The following PTPRD variants were observed in gnomAD, a reference collection of about 807,000 sequenced individuals.
PTPRD encodes receptor-type tyrosine-protein phosphatase delta.
Under a neutral mutation model 214.5 loss-of-function variants are expected in PTPRD, and 34 were observed. That is an observed-to-expected ratio of 0.16 (90% CI 0.12 to 0.21). PTPRD has a LOEUF of 0.21. PTPRD is among the 10% of genes least tolerant of loss of function. PTPRD has a pLI of 1.00. For synonymous variants in PTPRD, 1,128 were observed against 845.7 expected (o/e 1.33, Z -5.79); for missense variants, 2,545 against 2,398.7 (o/e 1.06, Z -1.27).
At chr9:9,717,462 A>G (rs1374545279) in intron 7 of PTPRD, among the ~76,000 whole-genome samples, 1 of 152,188 alleles carries the variant, frequency 6.6e-6, no homozygotes, top group Non-Finnish European at 1.5e-5. Context: ...TTTTCATGAT[A>G]TTGAGCTAAG....
chr9:10,446,682 G>C (rs1245733781), intron 2 of PTPRD, among the ~76,000 whole-genome samples: 1 of 152,048 alleles, frequency 6.6e-6, no homozygotes, highest in African/African-American at 2.4e-5. Context: ...CATGGGACTT[G>C]ATGTTTGATT....
In PTPRD at chr9:8,977,991, G is replaced by A. The variant is rs915726786; in HGVS notation, c.-104+40706C>T. Among the ~76,000 whole-genome samples, 10 of 152,128 alleles carry A rather than the reference G, an allele frequency of 6.6e-5. No individual in the cohort carries two copies. In the South Asian group the frequency reaches 1.9e-3, roughly 28 times the overall value. On this transcript the variant is annotated intron_variant, in intron 11 of 45. Coordinates refer to ENST00000381196, the MANE Select transcript of PTPRD (RefSeq NM_002839.4). ...TTTACATGCATAAATGCCTTGGGGT[G>A]TTTCATTTTGTTTGGATTTAAAGTA...
At chr9:8,621,710 G>A (rs1225498958) in intron 14 of PTPRD, among the ~76,000 whole-genome samples, 1 of 151,742 alleles carries the variant, frequency 6.6e-6, no homozygotes. Context: ...GGGACCCATA[G>A]TAAGTCAGCT....
chr9:9,943,799 G>GA (rs2092080968), intron 4 of PTPRD, among the ~76,000 whole-genome samples: 1 of 152,028 alleles, frequency 6.6e-6, no homozygotes, highest in South Asian at 2.1e-4. Flanking sequence ...GTAGACAACT[G>GA]AAAAATCCTT....
At chr9:8,460,636 T>A in intron 32 of PTPRD, 65 bp from the exon 33 acceptor site, 1 of 1,505,590 alleles carries the variant, frequency 6.6e-7, no homozygotes, top group Admixed American at 2.2e-5. Flanking sequence ...ACCTTTAACA[T>A]TAGAAGAAGC....
chr9:10,329,780 A>G (rs1333266013), intron 3 of PTPRD, among the ~76,000 whole-genome samples: 1 of 151,828 alleles, frequency 6.6e-6, no homozygotes, highest in African/African-American at 2.4e-5. Flanking sequence ...CATGCTACAT[A>G]TGCCATTTTG....
At chr9:8,689,318 G>C (rs919088033) in intron 12 of PTPRD, among the ~76,000 whole-genome samples, 5 of 152,182 alleles carry the variant, frequency 3.3e-5, no homozygotes, top group Admixed American at 3.3e-4. Flanking sequence ...GTACTAATTA[G>C]TTCATTTCTT....
intron 8 of PTPRD, among the ~76,000 whole-genome samples, chr9:9,451,266 A>T (rs1258086035): frequency 6.6e-6 from 1 of 151,846 alleles, no homozygotes; most frequent in Non-Finnish European, 1.5e-5. Flanking sequence ...GCAACTCAGT[A>T]TAAGGTTTAA....
In PTPRD at chr9:8,540,193, T is replaced by C. The variant is rs12686126; in HGVS notation, c.353-11414A>G. 2.6e-4 allele frequency among the ~76,000 whole-genome samples: 39 copies of C among 152,270 alleles called. No homozygotes were observed. The East Asian group carries it at 6.9e-3, about 27-fold the overall frequency. ...GTAAACTGTTATAATTAATTCATAT[T>C]ATCAGAAATATATAGACTTATTCCC... On this transcript the variant is annotated intron_variant, in intron 14 of 45. Transcript: ENST00000381196.
chr9:8,703,410 G>T (rs2098133003), intron 12 of PTPRD, among the ~76,000 whole-genome samples: 4 of 152,178 alleles, frequency 2.6e-5, no homozygotes, highest in Non-Finnish European at 5.9e-5. Flanking sequence ...TACCCTTTCA[G>T]TTCCACCATT....
chr9:9,108,102 G>T (rs1380480866), intron 10 of PTPRD, among the ~76,000 whole-genome samples: 2 of 151,994 alleles, frequency 1.3e-5, no homozygotes, highest in Admixed American at 1.3e-4. Flanking sequence ...AACCCTTAGG[G>T]CTCATATCAC....
intron 9 of PTPRD, among the ~76,000 whole-genome samples, chr9:9,321,312 T>C (rs567208447): frequency 1.3e-5 from 2 of 152,208 alleles, no homozygotes; most frequent in Admixed American, 6.5e-5. Context: ...TCCCAACACT[T>C]TGGGAGGCCG....
intron 2 of PTPRD, among the ~76,000 whole-genome samples, chr9:10,379,074 G>T (rs1054934032): frequency 6.6e-6 from 1 of 151,592 alleles, no homozygotes; most frequent in Non-Finnish European, 1.5e-5. Flanking sequence ...TTTTATTTCT[G>T]GTATTGTAAA....
At chr9:8,682,951 G>C (rs958853623) in intron 12 of PTPRD, among the ~76,000 whole-genome samples, 2 of 152,126 alleles carry the variant, frequency 1.3e-5, no homozygotes, top group Non-Finnish European at 2.9e-5. Context: ...TCAAGACTAT[G>C]ACTTGCAGGT....
intron 4 of PTPRD, among the ~76,000 whole-genome samples, chr9:10,030,556 G>A (rs1481447302): frequency 6.6e-6 from 1 of 152,080 alleles, no homozygotes; most frequent in Non-Finnish European, 1.5e-5. Flanking sequence ...AGAAACATGA[G>A]TGACTAGACT....
intron 11 of PTPRD, among the ~76,000 whole-genome samples, chr9:8,973,400 CT>C (rs2099250452): frequency 6.6e-6 from 1 of 152,002 alleles, no homozygotes; most frequent in South Asian, 2.1e-4. Flanking sequence ...TGATTTCATT[CT>C]TTTTTATGGC....
intron 14 of PTPRD, among the ~76,000 whole-genome samples, chr9:8,549,603 A>T (rs892341794): frequency 1.3e-5 from 2 of 152,240 alleles, no homozygotes; most frequent in African/African-American, 2.4e-5. Context: ...AAACATAGAG[A>T]AAAATATGTG....
intron 9 of PTPRD, among the ~76,000 whole-genome samples, chr9:9,194,674 G>A (rs1215808352): frequency 6.6e-6 from 1 of 152,152 alleles, no homozygotes; most frequent in Non-Finnish European, 1.5e-5. Context: ...TGAGGAGCTG[G>A]TCAGTATACT....
chr9:10,387,647 T>G (rs559968319), intron 2 of PTPRD, among the ~76,000 whole-genome samples: 2 of 151,878 alleles, frequency 1.3e-5, no homozygotes, highest in South Asian at 4.1e-4. Context: ...CCATACTTTG[T>G]GTCATTGTAC....
Sources: allele counts gnomAD v4.1 joint callset (sites outside exome capture counted in the v4.1 genomes callset), GRCh38; gene constraint gnomAD v4.1.1; transcripts MANE v1.5; gene names NCBI Gene and HGNC (gene_info 2026-07-23, HGNC 2026-07-21).